Variants in ZC3H13 observed in about 807,000 individuals in gnomAD.
The protein encoded by ZC3H13 is zinc finger CCCH-type containing 13.
In ZC3H13, 64 loss-of-function variants were observed where a neutral mutation model predicts 204.1. The ratio of observed to expected loss-of-function variants is 0.31; its 90% CI spans 0.26 to 0.39. The LOEUF is 0.39. ZC3H13 is among the 10% of genes least tolerant of loss of function. The probability of loss-of-function intolerance (pLI) is 1.00; values close to 1 mark genes in which losing one functional copy is unlikely to be tolerated. For missense variants in ZC3H13, 1,833 were observed against 2,082.7 expected (o/e 0.88, Z 2.33); for synonymous variants, 667 against 693.7 (o/e 0.96, Z 0.60).
At chr13:45,997,437 G>A (rs1026454276) in intron 8 of ZC3H13, among the ~76,000 whole-genome samples, 5 of 152,170 alleles carry the variant, frequency 3.3e-5, no homozygotes, top group Middle Eastern at 3.4e-3. Flanking sequence ...AGAAGGGTAT[G>A]GGCACTCTCC....
At chr13:46,029,296 G>A (rs190445484) in intron 4 of ZC3H13, among the ~76,000 whole-genome samples, 90 of 152,182 alleles carry the variant, frequency 5.9e-4, no homozygotes, top group African/African-American at 2.0e-3. Context: ...TTTAAAAATT[G>A]AATCAATAAT....
Position 46,050,311 on chromosome 13 carries a change from GAAT to G in ZC3H13, c.-10+2090_-10+2092del, listed in dbSNP as rs1482698774. Among the ~76,000 whole-genome samples the G allele has an allele frequency of 2.0e-5, 3 of 152,046 alleles. No homozygotes were observed. In the East Asian group the frequency reaches 5.8e-4, roughly 29 times the overall value. ...GAAGCATACAAAAGGGTCTCTTTTT[GAAT>G]AATGACTCCAGAAGCTCAATTAATA... is the stretch of plus-strand genomic sequence containing the variant. On this transcript the variant is annotated intron_variant, in intron 1 of 18. Coordinates refer to ENST00000679008, the MANE Select transcript of ZC3H13 (RefSeq NM_001330564.2).
chr13:45,969,117 G>A lies in ZC3H13; in HGVS notation c.3427C>T (p.Pro1143Ser). 6.2e-7 allele frequency: 1 copy of A among 1,614,170 alleles called. No individual in the cohort carries two copies. Among genetic ancestry groups the A allele is most frequent in the Non-Finnish European group, 8.5e-7 (1 of 1,180,030 alleles). ...SAITISTSAT[P>S]TNTTNNTFAN... ...AAAGTATTATTGGTGGTATTGGTGG[G>A]GGTGGCAGAGGTGGAAATAGTGATG... The change falls in exon 14 of 19, where the codon CCC (proline) becomes TCC (serine). Residue 1143 changes from proline (P) to serine (S), a missense_variant. Transcript: ENST00000679008.
chr13:45,963,514 T>C, intron 17 of ZC3H13: 3 of 1,062,580 alleles, frequency 2.8e-6, no homozygotes, highest in East Asian at 8.5e-5. Context: ...CTCAATTTCC[T>C]GGGCTCCAGC....
intron 16 of ZC3H13, 56 bp downstream of exon 16, chr13:45,965,224 C>T (rs529389440): frequency 5.7e-6 from 9 of 1,579,320 alleles, no homozygotes; most frequent in Middle Eastern, 1.7e-4. Context: ...GGTAATAATA[C>T]TTTAATATCA....
chr13:46,001,914 T>C (rs2040772934), intron 8 of ZC3H13, among the ~76,000 whole-genome samples: 1 of 151,918 alleles, frequency 6.6e-6, no homozygotes, highest in South Asian at 2.1e-4. Flanking sequence ...CAGTTAACTG[T>C]TCTCTTGCAT....
chr13:45,982,998 A>G (rs189723808), intron 10 of ZC3H13, among the ~76,000 whole-genome samples: 42 of 152,284 alleles, frequency 2.8e-4, no homozygotes, highest in Admixed American at 2.2e-3. Context: ...GAAATCAACA[A>G]ATCTACAAAT....
intron 2 of ZC3H13, 48 bp downstream of exon 2, chr13:46,045,343 T>C (rs1304963039): frequency 2.7e-6 from 4 of 1,457,378 alleles, no homozygotes; most frequent in Middle Eastern, 1.7e-4. Context: ...AGCATTTCAA[T>C]AATAGAATTC....
intron 8 of ZC3H13, among the ~76,000 whole-genome samples, chr13:45,999,097 G>A (rs755727080): frequency 1.1e-4 from 16 of 152,094 alleles, no homozygotes; most frequent in Non-Finnish European, 1.6e-4. Flanking sequence ...AAAATTAGCT[G>A]AGTGTGGCAA....
chr13:46,044,946 TCA>T lies in ZC3H13; in HGVS notation c.227+7_227+8del, dbSNP rs761852556. Reference sequence around the variant, plus strand: ...ATAGTACATGAACAATACAAAGTTCTCAGTTTACCTTCTATAATTGCTGCTAT... The same window carrying T: ...ATAGTACATGAACAATACAAAGTTCTGTTTACCTTCTATAATTGCTGCTAT... On this transcript the variant is annotated splice_region_variant and intron_variant, in intron 3 of 18. Transcript: ENST00000679008. The T allele has an allele frequency of 1.7e-5, 27 of 1,598,888 alleles. No homozygotes were observed. The Admixed American group carries it at 1.7e-4, about 10-fold the overall frequency.
chr13:45,985,468 G>C lies in ZC3H13; in HGVS notation c.1549C>G (p.Arg517Gly). The C allele has an allele frequency of 6.2e-7, 1 of 1,614,074 alleles. No individual in the cohort carries two copies. Among genetic ancestry groups the C allele is most frequent in the Non-Finnish European group, 8.5e-7 (1 of 1,180,014 alleles). ...YRDREGRDTH[R>G]KEDTYPEESR... The stretch of plus-strand genomic sequence containing the variant: ...TCTTCTGGATATGTATCCTCCTTTC[G>C]ATGAGTATCTCGACCTTCACGGTCC... Residue 517 changes from arginine to glycine, a missense_variant, in exon 10 of 19, where the codon CGA (arginine) becomes GGA (glycine). Arg to Gly is a moderately radical substitution (Grantham distance 125). Coordinates refer to ENST00000679008, the MANE Select transcript of ZC3H13 (RefSeq NM_001330564.2).
Position 45,979,869 on chromosome 13 carries a change from T to A in ZC3H13, c.1856A>T (p.Asp619Val). Residue 619 changes from aspartate to valine, a missense_variant, in exon 11 of 19, where the codon GAT (aspartate) becomes GTT (valine). Physicochemically the swap from Asp to Val is radical, Grantham distance 152. Transcript: ENST00000679008. ...PERDNRDQAR[D>V]SSFERRHGER... ...TCCATGTCTTCTCTCAAAGGAAGAA[T>A]CCCTTGCTTGATCTCTGTTGTCTCT... 1.9e-6 allele frequency: 3 copies of A among 1,607,212 alleles called. No homozygotes were observed. The highest frequency in any genetic ancestry group is 1.1e-5 in the South Asian group (1 of 90,482).
At chr13:46,017,374 A>C (rs1340010916) in intron 5 of ZC3H13, among the ~76,000 whole-genome samples, 1 of 152,114 alleles carries the variant, frequency 6.6e-6, no homozygotes. Context: ...GTTTCCCAGA[A>C]TATGTGATGT....
chr13:46,001,949 T>A (rs1367276486), intron 8 of ZC3H13, among the ~76,000 whole-genome samples: 4 of 145,186 alleles, frequency 2.8e-5, no homozygotes, highest in Admixed American at 6.9e-5. Flanking sequence ...ATTAACAGAG[T>A]GAAAAAAAAA....
Position 46,042,193 on chromosome 13 carries a change from T to A in ZC3H13, c.310A>T (p.Asn104Tyr). 1.2e-6 allele frequency: 2 copies of A among 1,613,552 alleles called. No homozygotes were observed. The highest frequency in any genetic ancestry group is 1.7e-6 in the Non-Finnish European group (2 of 1,179,534). The change falls in exon 4 of 19, where the codon AAT becomes TAT. Residue 104 changes from asparagine (N) to tyrosine (Y), a missense_variant. Transcript: ENST00000679008. ...QDVDTEPQKR[N>Y]TEESSSPVRK... ...ACAGGTGAGGATGACTCCTCTGTATTTCGTTTCTGGGGCTCAGTGTCCACG... is the reference window on the plus strand; with the variant it reads ...ACAGGTGAGGATGACTCCTCTGTATATCGTTTCTGGGGCTCAGTGTCCACG...
At chr13:45,979,115 T>G (rs1408359180) in intron 11 of ZC3H13, among the ~76,000 whole-genome samples, 1 of 152,116 alleles carries the variant, frequency 6.6e-6, no homozygotes, top group Non-Finnish European at 1.5e-5. Context: ...CAGCCAAGGT[T>G]AGTAAGACCT....
At chr13:46,027,292 A>G (rs1336917475) in intron 4 of ZC3H13, among the ~76,000 whole-genome samples, 1 of 152,018 alleles carries the variant, frequency 6.6e-6, no homozygotes, top group Admixed American at 6.5e-5. Context: ...TTTTGTAGAG[A>G]TGGGAGTTTT....
intron 2 of ZC3H13, 85 bp from the exon 3 acceptor site, chr13:46,045,149 A>G (rs753258953): frequency 5.2e-4 from 648 of 1,257,732 alleles, no homozygotes; most frequent in Admixed American, 7.3e-4. Flanking sequence ...AACAAATGCT[A>G]CCAAAATTCC....
chr13:46,019,876 T>C (rs2042123186), intron 5 of ZC3H13, among the ~76,000 whole-genome samples: 1 of 152,162 alleles, frequency 6.6e-6, no homozygotes, highest in African/African-American at 2.4e-5. Context: ...GGAGGACTGC[T>C]TGACTTCAAG....
Sources: gnomAD v4.1 joint callset for allele counts (sites outside exome capture counted in the v4.1 genomes callset) on GRCh38, gnomAD v4.1.1 for gene constraint, MANE v1.5 for transcripts, NCBI Gene and HGNC (gene_info 2026-07-23, HGNC 2026-07-21) for gene names.